Variants in HADHB observed in about 807,000 individuals in gnomAD.
HADHB encodes trifunctional enzyme subunit beta, mitochondrial.
HADHB carries 50 observed loss-of-function variants against 61.9 expected under a neutral mutation model. That is an observed-to-expected ratio of 0.81 (90% confidence interval 0.64 to 1.02). The LOEUF (loss-of-function observed/expected upper bound fraction) is 1.02. HADHB is among the 50% of genes least tolerant of loss of function. The pLI is 0.00. For synonymous variants in HADHB, 191 were observed against 201.6 expected (o/e 0.95, Z 0.45); for missense variants, 504 against 586.5 (o/e 0.86, Z 1.45).
chr2:26,261,069 T>A (rs188958492), intron 3 of HADHB: 2 of 1,337,504 alleles, frequency 1.5e-6, no homozygotes, highest in Admixed American at 3.9e-5. Flanking sequence ...CATTGGTGAG[T>A]CCAGTACCTA....
At chr2:26,253,745 C>T (rs1229630818) in intron 1 of HADHB, among the ~76,000 whole-genome samples, 5 of 151,772 alleles carry the variant, frequency 3.3e-5, no homozygotes, top group Non-Finnish European at 5.9e-5. Context: ...CCCAGCTACT[C>T]GGGAGGCTGA....
chr2:26,285,379 T>C lies in HADHB; in HGVS notation c.1225-28T>C, dbSNP rs769441976. ...GATTCTGATCTTAAGTAAACTTATC[T>C]TTACATTTGTGTCTTTGGGGGAGCC... On this transcript the variant is annotated intron_variant, in intron 14 of 15. Transcript: ENST00000317799. 162 of 1,604,492 alleles carry C rather than the reference T, an allele frequency of 1.0e-4. 1 individual carries two copies. The Admixed American group carries it at 2.7e-3, about 26-fold the overall frequency.
At chr2:26,253,778 G>T (rs1289742192) in intron 1 of HADHB, among the ~76,000 whole-genome samples, 1 of 151,634 alleles carries the variant, frequency 6.6e-6, no homozygotes, top group African/African-American at 2.4e-5. Flanking sequence ...GACTGAACCT[G>T]GGAGGCAAAG....
intron 5 of HADHB, among the ~76,000 whole-genome samples, chr2:26,273,364 A>G (rs138606725): frequency 1.3e-5 from 2 of 152,228 alleles, no homozygotes; most frequent in Non-Finnish European, 2.9e-5. Context: ...ACATTAATTA[A>G]CATTAATTTA....
At chr2:26,265,357 A>G (rs998663729) in intron 4 of HADHB, among the ~76,000 whole-genome samples, 3 of 152,208 alleles carry the variant, frequency 2.0e-5, no homozygotes, top group African/African-American at 7.2e-5. Flanking sequence ...ACACTTTGGG[A>G]GGCCAAGGCA....
At chr2:26,271,899 C>CA (rs1008040365) in intron 5 of HADHB, among the ~76,000 whole-genome samples, 5 of 150,498 alleles carry the variant, frequency 3.3e-5, no homozygotes, top group Non-Finnish European at 5.9e-5. Flanking sequence ...GACTTTGTCT[C>CA]AAAAAAAAAA....
At chr2:26,270,070 G>A (rs1672274736) in intron 5 of HADHB, 73 bp downstream of exon 5, 4 of 972,732 alleles carry the variant, frequency 4.1e-6, no homozygotes, top group Non-Finnish European at 6.7e-6. Context: ...ACATAAAATA[G>A]CAATTTGTTC....
At position 26,245,825 on chromosome 2, in the gene HADHB, C is replaced by A. The variant is rs147548913; in HGVS notation, c.-9+835C>A. 2.1e-3 allele frequency among the ~76,000 whole-genome samples: 320 copies of A among 152,244 alleles called. 1 individual carries two copies. The highest frequency in any genetic ancestry group is 0.01 in the Middle Eastern group (3 of 294). ...CCTTCATACCTTTTTGTTTAGTCCT[C>A]ACATTCCCCAAATTATTATCATTTG... is the stretch of plus-strand genomic sequence containing the variant. On this transcript the variant is annotated intron_variant, in intron 1 of 15. Coordinates refer to ENST00000317799, the MANE Select transcript of HADHB (RefSeq NM_000183.3).
At chr2:26,268,292 A>AT (rs1672183748) in intron 4 of HADHB, among the ~76,000 whole-genome samples, 1 of 152,356 alleles carries the variant, frequency 6.6e-6, no homozygotes, top group Non-Finnish European at 1.5e-5. Flanking sequence ...CCCCCAAAAT[A>AT]TTTATCAATT....
intron 3 of HADHB, among the ~76,000 whole-genome samples, chr2:26,263,071 G>A (rs202105626): frequency 6.6e-6 from 1 of 151,942 alleles, no homozygotes; most frequent in African/African-American, 2.4e-5. Context: ...AGGCTGAGGC[G>A]GGCAGATCAC....
intron 15 of HADHB, among the ~76,000 whole-genome samples, chr2:26,289,344 A>G (rs1182230842): frequency 1.3e-5 from 2 of 152,146 alleles, no homozygotes; most frequent in African/African-American, 4.8e-5. Context: ...AGAATAGTGA[A>G]GAAGGGACAA....
chr2:26,273,575 G>A (rs1005031395), intron 5 of HADHB, 76 bp from the exon 6 acceptor site: 23 of 808,802 alleles, frequency 2.8e-5, no homozygotes, highest in East Asian at 7.3e-5. Flanking sequence ...TTCAAGGAGC[G>A]CAGTGTTTTG....
intron 4 of HADHB, among the ~76,000 whole-genome samples, chr2:26,266,129 G>C (rs1005095261): frequency 6.6e-6 from 1 of 151,668 alleles, no homozygotes; most frequent in African/African-American, 2.4e-5. Flanking sequence ...AGCCAGGCAT[G>C]GTGGTGCATG....
In HADHB at chr2:26,273,685, G is replaced by A. The variant is rs1283038758; in HGVS notation, c.289G>A (p.Val97Ile). 3 of 1,608,510 alleles carry A rather than the reference G, an allele frequency of 1.9e-6. No individual in the cohort carries two copies. The highest frequency in any genetic ancestry group is 2.6e-6 in the Non-Finnish European group (3 of 1,175,084). ...LLHRTSVPKE[V>I]VDYIIFGTVI... ...GCATCGGACCAGTGTCCCTAAGGAA[G>A]TAGTTGATTATATCATCTTTGGTAC... Residue 97 changes from valine (V) to isoleucine (I), a missense_variant, in exon 6 of 16, where the codon GTA (valine) becomes ATA (isoleucine). Physicochemically the swap from Val to Ile is conservative, Grantham distance 29. Transcript: ENST00000317799.
At chr2:26,264,748 G>T (rs955483683) in intron 4 of HADHB, among the ~76,000 whole-genome samples, 27 of 151,066 alleles carry the variant, frequency 1.8e-4, no homozygotes, top group African/African-American at 6.6e-4. Flanking sequence ...CGTGGCTCAT[G>T]CCTGTAATCC....
chr2:26,254,663 G>T (rs1004760063), intron 3 of HADHB, 189 bp downstream of exon 3: 1 of 554,808 alleles, frequency 1.8e-6, no homozygotes, highest in African/African-American at 1.9e-5. Context: ...CATTATTTAG[G>T]ATTAGGCTTG....
At chr2:26,258,059 G>A (rs1671704764) in intron 3 of HADHB, among the ~76,000 whole-genome samples, 3 of 152,000 alleles carry the variant, frequency 2.0e-5, no homozygotes, top group Admixed American at 6.6e-5. Context: ...CAGAACTCTA[G>A]GTCTAGTGTG....
chr2:26,286,139 A>G (rs553009233), intron 15 of HADHB, among the ~76,000 whole-genome samples: 1 of 152,326 alleles, frequency 6.6e-6, no homozygotes, highest in Non-Finnish European at 1.5e-5. Context: ...GCTGATTATG[A>G]AAATTGTGGA....
At chr2:26,257,066 A>G (rs1671642280) in intron 3 of HADHB, among the ~76,000 whole-genome samples, 1 of 148,870 alleles carries the variant, frequency 6.7e-6, no homozygotes, top group African/African-American at 2.5e-5. Flanking sequence ...CATGTACCTG[A>G]TTGCCTTGTT....
Sources: allele counts gnomAD v4.1 joint callset (sites outside exome capture counted in the v4.1 genomes callset), GRCh38; gene constraint gnomAD v4.1.1; transcripts MANE v1.5; gene names NCBI Gene and HGNC (gene_info 2026-07-23, HGNC 2026-07-21).